The following APOBEC2 variants were observed in gnomAD, a reference collection of about 807,000 sequenced individuals.
APOBEC2 encodes C->U-editing enzyme APOBEC-2.
Under a neutral mutation model 19.4 loss-of-function variants are expected in APOBEC2, and 14 were observed. That is an observed-to-expected ratio of 0.72 (90% CI 0.48 to 1.13). APOBEC2 has a LOEUF of 1.13. Among genes scored for constraint, APOBEC2 ranks in the 50% most tolerant of loss-of-function variants. The probability of loss-of-function intolerance (pLI) is 0.00; values close to 1 mark genes in which losing one functional copy is unlikely to be tolerated. For missense variants in APOBEC2, 304 were observed against 277.0 expected (o/e 1.10, Z -0.69); for synonymous variants, 127 against 112.1 (o/e 1.13, Z -0.84).
rs757951795 is a variant in APOBEC2 at position 41,061,478 on chromosome 6, T to C, written c.282T>C (p.His94=). 8 of 1,613,772 alleles carry C rather than the reference T, an allele frequency of 5.0e-6. No individual in the cohort carries two copies. The Admixed American group carries it at 8.3e-5, about 17-fold the overall frequency. The change falls in exon 2 of 3, where the codon CAT becomes CAC. Residue 94 remains histidine, a synonymous_variant. Transcript: ENST00000244669. ...QASRGYLEDE[H]AAAHAEEAFF... ...CTCGGGGATACCTAGAGGATGAGCATGCGGCTGCCCATGCAGAGGAAGCTT... is the reference window on the plus strand; with the variant it reads ...CTCGGGGATACCTAGAGGATGAGCACGCGGCTGCCCATGCAGAGGAAGCTT...
chr6:41,055,983 T>C (rs765981454), intron 1 of APOBEC2, among the ~76,000 whole-genome samples: 29 of 152,256 alleles, frequency 1.9e-4, no homozygotes, highest in Admixed American at 4.6e-4. Context: ...CAGCACACCA[T>C]TGAAAACCAG....
Position 41,061,622 on chromosome 6 carries a change from C to T in APOBEC2, c.426C>T (p.Thr142=). 1 of 1,614,224 alleles carries T rather than the reference C, an allele frequency of 6.2e-7. No individual in the cohort carries two copies. The highest frequency in any genetic ancestry group is 8.5e-7 in the Non-Finnish European group (1 of 1,180,044). The part of the protein sequence containing the change: ...ADRIIKTLSK[T]KNLRLLILVG... ...GCATTATCAAAACCCTTAGCAAGAC[C>T]AAGAACCTGCGTCTGCTCATTCTGG... is the stretch of plus-strand genomic sequence containing the variant. The change falls in exon 2 of 3, where the codon ACC becomes ACT. Residue 142 remains threonine (T), a synonymous_variant. Transcript: ENST00000244669.
At chr6:41,054,106 G>A (rs1471483153) in intron 1 of APOBEC2, among the ~76,000 whole-genome samples, 1 of 152,206 alleles carries the variant, frequency 6.6e-6, no homozygotes, top group Non-Finnish European at 1.5e-5. Flanking sequence ...ATGGACACAG[G>A]AGCTGTTCCA....
intron 2 of APOBEC2, among the ~76,000 whole-genome samples, chr6:41,062,644 T>A (rs1241013196): frequency 1.3e-5 from 2 of 152,196 alleles, no homozygotes; most frequent in Non-Finnish European, 2.9e-5. Flanking sequence ...ATTTGTAAAG[T>A]AGGCAGCAGC....
At chr6:41,058,600 A>C (rs1762832487) in intron 1 of APOBEC2, among the ~76,000 whole-genome samples, 1 of 152,184 alleles carries the variant, frequency 6.6e-6, no homozygotes, top group Admixed American at 6.5e-5. Context: ...TGGGCATAAT[A>C]GTGTTAATTT....
At position 41,053,747 on chromosome 6, in the gene APOBEC2, G is replaced by T. The variant is rs558931063; in HGVS notation, c.131+269G>T. On this transcript the variant is annotated intron_variant, in intron 1 of 2. Coordinates refer to ENST00000244669, the MANE Select transcript of APOBEC2 (RefSeq NM_006789.4). ...GCCCAGAGAATAAAACCACCCTTCA[G>T]GCCTCCTGGTATTGGGATGGCCACC... 3.9e-5 allele frequency among the ~76,000 whole-genome samples: 6 copies of T among 152,242 alleles called. No homozygotes were observed. In the South Asian group the frequency reaches 1.2e-3, roughly 32 times the overall value.
At chr6:41,058,004 G>A (rs1208647060) in intron 1 of APOBEC2, among the ~76,000 whole-genome samples, 1 of 152,144 alleles carries the variant, frequency 6.6e-6, no homozygotes, top group Non-Finnish European at 1.5e-5. Context: ...TGAGGAAATG[G>A]TGCTTAACAA....
chr6:41,063,711 A>G (rs1385128144), intron 2 of APOBEC2, among the ~76,000 whole-genome samples: 3 of 151,212 alleles, frequency 2.0e-5, no homozygotes, highest in Non-Finnish European at 2.9e-5. Flanking sequence ...TAAAAGCCCA[A>G]AAGAACAACC....
At chr6:41,056,745 T>C (rs1029049868) in intron 1 of APOBEC2, among the ~76,000 whole-genome samples, 4 of 152,208 alleles carry the variant, frequency 2.6e-5, no homozygotes, top group Non-Finnish European at 5.9e-5. Flanking sequence ...CAATACGTAT[T>C]TGTTGAATAA....
chr6:41,060,835 A>C (rs12194214), intron 1 of APOBEC2, among the ~76,000 whole-genome samples: 19,943 of 152,268 alleles, frequency 0.13, 3,297 homozygotes, highest in African/African-American at 0.39. Flanking sequence ...TTGCTCTGTC[A>C]TGAGAAATTT....
Position 41,061,882 on chromosome 6 carries a change from C to T in APOBEC2, c.*11C>T, listed in dbSNP as rs370402737. 6.2e-7 allele frequency: 1 copy of T among 1,606,192 alleles called. No homozygotes were observed. The highest frequency in any genetic ancestry group is 1.7e-5 in the Admixed American group (1 of 59,486). ...GACATCCTGAAGTAGGGCAACTGGG[C>T]TTTGCCTCACGTGAGTTTTCCTGGT... On this transcript the variant is annotated 3_prime_UTR_variant, in exon 2 of 3. Transcript: ENST00000244669.
chr6:41,059,481 G>A (rs1762845924), intron 1 of APOBEC2, among the ~76,000 whole-genome samples: 1 of 152,200 alleles, frequency 6.6e-6, no homozygotes, highest in South Asian at 2.1e-4. Context: ...CTCACTATAA[G>A]TGAACGCCTG....
intron 1 of APOBEC2, among the ~76,000 whole-genome samples, chr6:41,057,788 C>T (rs142258707): frequency 8.5e-5 from 13 of 152,260 alleles, no homozygotes; most frequent in African/African-American, 2.6e-4. Context: ...TATAGATTTA[C>T]GCTTAGAAAA....
chr6:41,054,533 A>G (rs1254869131), intron 1 of APOBEC2, among the ~76,000 whole-genome samples: 1 of 152,242 alleles, frequency 6.6e-6, no homozygotes, highest in East Asian at 1.9e-4. Flanking sequence ...TTTAGCACTT[A>G]TAACATGAAG....
chr6:41,059,695 G>A (rs182689192), intron 1 of APOBEC2, among the ~76,000 whole-genome samples: 6 of 152,294 alleles, frequency 3.9e-5, no homozygotes, highest in Admixed American at 6.5e-5. Flanking sequence ...GGAAACTTGG[G>A]TGGATACATT....
chr6:41,063,235 T>C (rs1206112483), intron 2 of APOBEC2, among the ~76,000 whole-genome samples: 2 of 152,214 alleles, frequency 1.3e-5, no homozygotes, highest in Non-Finnish European at 2.9e-5. Context: ...ACCCAGTCAC[T>C]GAAGTCAGTG....
At position 41,053,203 on chromosome 6, in the gene APOBEC2, G is replaced by C. The variant is rs1271949928; in HGVS notation, c.-145G>C. 1 of 1,142,932 alleles carries C rather than the reference G, an allele frequency of 8.7e-7. No homozygotes were observed. Among genetic ancestry groups the C allele is most frequent in the Non-Finnish European group, 1.2e-6 (1 of 820,176 alleles). The allele number at this position is 1,142,932 out of a possible 1,614,324, so 70.8% of individuals were successfully genotyped here. ...GCCTGTGGCTAAGTGGGGAAAGCAC[G>C]AAGCCTGGCCTGCTGGGTCCTTTTC... On this transcript the variant is annotated 5_prime_UTR_variant, in exon 1 of 3. Transcript: ENST00000244669.
In APOBEC2 at chr6:41,064,358, T is replaced by C. The variant is rs954128232; in HGVS notation, c.*279T>C. ...ACCATACATGGGCTCCAGTCAACTA[T>C]GGGACTGAAGGTCCTAATTGCTCAC... On this transcript the variant is annotated 3_prime_UTR_variant, in exon 3 of 3. Coordinates refer to ENST00000244669, the MANE Select transcript of APOBEC2 (RefSeq NM_006789.4). 22 of 152,354 alleles carry C rather than the reference T, an allele frequency of 1.4e-4. No individual in the cohort carries two copies. Among genetic ancestry groups the C allele is most frequent in the African/African-American group, 5.3e-4 (22 of 41,572 alleles). The allele number at this position is 152,354 out of a possible 1,614,324, so 9.4% of individuals were successfully genotyped here.
rs1399214610 is a variant in APOBEC2 at position 41,053,552 on chromosome 6, G to A, written c.131+74G>A. ...CTTGGGTTAGGCTGTGGAAATTCAG[G>A]ATGGTTATATTAGGCGTCAGGGACA... On this transcript the variant is annotated intron_variant, in intron 1 of 2. Coordinates refer to ENST00000244669, the MANE Select transcript of APOBEC2 (RefSeq NM_006789.4). 1.7e-5 allele frequency: 27 copies of A among 1,588,384 alleles called. No homozygotes were observed. The South Asian group carries it at 2.7e-4, about 16-fold the overall frequency.
Sources: allele counts gnomAD v4.1 joint callset (sites outside exome capture counted in the v4.1 genomes callset), GRCh38; gene constraint gnomAD v4.1.1; transcripts MANE v1.5; gene names NCBI Gene and HGNC (gene_info 2026-07-23, HGNC 2026-07-21).